Variants in CENPC observed in about 807,000 individuals in gnomAD.
The protein encoded by CENPC is CENP-C 1.
In CENPC, 63 loss-of-function variants were observed where a neutral mutation model predicts 112.1. That is an observed-to-expected ratio of 0.56 (90% CI 0.46 to 0.69). The LOEUF (loss-of-function observed/expected upper bound fraction) is 0.69, where lower values mean the gene tolerates loss of function less well. CENPC is among the 30% of genes least tolerant of loss of function. The pLI, the probability that CENPC is intolerant of heterozygous loss-of-function variation, is 0.00. For synonymous variants in CENPC, 333 were observed against 367.6 expected (o/e 0.91, Z 1.08); for missense variants, 1,000 against 1,103.8 (o/e 0.91, Z 1.33).
rs1478513542 is a variant in CENPC, at chr4:67,514,448, G to A, written c.1070C>T (p.Thr357Ile). 3 of 1,613,446 alleles carry A rather than the reference G, an allele frequency of 1.9e-6. No homozygotes were observed. Among genetic ancestry groups the A allele is most frequent in the Non-Finnish European group, 2.5e-6 (3 of 1,179,864 alleles). The change falls in exon 8 of 19, where the codon ACT becomes ATT. Residue 357 changes from threonine (T) to isoleucine (I), a missense_variant. Thr to Ile is a moderately conservative substitution (Grantham distance 89). Coordinates refer to ENST00000273853, the MANE Select transcript of CENPC (RefSeq NM_001812.4). The part of the protein sequence containing the change: ...REKHHNILPK[T>I]LANDKHSHKP... ...ATGGGAATGTTTGTCATTTGCCAAAGTCTTAGGTAATATATTATGATGCTT... is the reference window on the plus strand; with the variant it reads ...ATGGGAATGTTTGTCATTTGCCAAAATCTTAGGTAATATATTATGATGCTT...
At chr4:67,475,082 C>T (rs1265388228) in intron 17 of CENPC, 104 bp from the exon 18 acceptor site, 1 of 660,274 alleles carries the variant, frequency 1.5e-6, no homozygotes, top group African/African-American at 1.8e-5. Flanking sequence ...CACAAATGTG[C>T]TGGCTTTAAT....
intron 17 of CENPC, among the ~76,000 whole-genome samples, chr4:67,475,730 C>G (rs1724786050): frequency 6.6e-6 from 1 of 152,214 alleles, no homozygotes; most frequent in African/African-American, 2.4e-5. Context: ...TCCTGAGTAG[C>G]TGGGACTACA....
intron 2 of CENPC, among the ~76,000 whole-genome samples, chr4:67,541,549 A>G (rs1726890582): frequency 6.6e-6 from 1 of 152,204 alleles, no homozygotes; most frequent in African/African-American, 2.4e-5. Context: ...ACAACATAAT[A>G]CAGACCCCTT....
At chr4:67,502,212 G>A (rs959629728) in intron 12 of CENPC, among the ~76,000 whole-genome samples, 1 of 152,006 alleles carries the variant, frequency 6.6e-6, no homozygotes, top group African/African-American at 2.4e-5. Flanking sequence ...CTGAGTCCTT[G>A]CTAGAATATG....
chr4:67,533,623 T>C (rs563695109), intron 4 of CENPC, among the ~76,000 whole-genome samples: 71 of 152,164 alleles, frequency 4.7e-4, no homozygotes, highest in Non-Finnish European at 8.7e-4. Context: ...AGCAAACTAC[T>C]GGTAATTCAG....
intron 12 of CENPC, among the ~76,000 whole-genome samples, chr4:67,502,390 T>A (rs929864168): frequency 1.1e-5 from 1 of 91,796 alleles, no homozygotes; most frequent in Admixed American, 1.4e-4. Flanking sequence ...AAAAGTTAAA[T>A]AAAAAGATAA....
chr4:67,512,685 C>G, intron 8 of CENPC, 116 bp from the exon 9 acceptor site: 1 of 648,420 alleles, frequency 1.5e-6, no homozygotes, highest in Admixed American at 3.7e-5. Flanking sequence ...ATCCTGTGGC[C>G]TTTTCATCTC....
intron 5 of CENPC, among the ~76,000 whole-genome samples, chr4:67,526,500 T>G (rs1257088256): frequency 1.3e-5 from 2 of 151,972 alleles, no homozygotes; most frequent in African/African-American, 4.8e-5. Flanking sequence ...CTATAACTAT[T>G]AAAGAATTAA....
At chr4:67,521,204 C>CG (rs1553896390) in intron 5 of CENPC, among the ~76,000 whole-genome samples, 1 of 131,454 alleles carries the variant, frequency 7.6e-6, no homozygotes, top group Non-Finnish European at 1.6e-5. Context: ...CAAAACAAAC[C>CG]AAAAAAAAAA....
At chr4:67,535,755 GA>G (rs1363875278) in intron 4 of CENPC, among the ~76,000 whole-genome samples, 3 of 152,006 alleles carry the variant, frequency 2.0e-5, no homozygotes, top group African/African-American at 7.2e-5. Flanking sequence ...GTTGTGGTCG[GA>G]AGTAGAAACT....
intron 5 of CENPC, among the ~76,000 whole-genome samples, chr4:67,523,828 G>A (rs1726297446): frequency 6.6e-6 from 1 of 151,986 alleles, no homozygotes. Flanking sequence ...TCTGGGATGG[G>A]GCAGGAGAGC....
At chr4:67,540,137 G>C (rs1188622156) in intron 3 of CENPC, among the ~76,000 whole-genome samples, 3 of 152,050 alleles carry the variant, frequency 2.0e-5, no homozygotes, top group Non-Finnish European at 2.9e-5. Context: ...CAAAACACCT[G>C]AAGTATCAAT....
At chr4:67,506,408 G>A (rs1359266536) in intron 11 of CENPC, among the ~76,000 whole-genome samples, 1 of 152,122 alleles carries the variant, frequency 6.6e-6, no homozygotes, top group Non-Finnish European at 1.5e-5. Flanking sequence ...CCTTCTCTTG[G>A]AGCATTTGCT....
intron 17 of CENPC, among the ~76,000 whole-genome samples, chr4:67,479,067 A>G (rs1163284031): frequency 1.3e-5 from 2 of 152,214 alleles, no homozygotes; most frequent in African/African-American, 4.8e-5. Flanking sequence ...TCCCAAATTT[A>G]TAAGACAATT....
chr4:67,539,971 T>C (rs761874320), intron 3 of CENPC, 37 bp from the exon 4 acceptor site: 17 of 1,095,536 alleles, frequency 1.6e-5, no homozygotes, highest in Admixed American at 3.1e-5. Context: ...AAACAAGATA[T>C]AGTGTAATAT....
chr4:67,476,009 G>A (rs960830543), intron 17 of CENPC, among the ~76,000 whole-genome samples: 2 of 152,098 alleles, frequency 1.3e-5, no homozygotes, highest in Admixed American at 6.6e-5. Context: ...TTAAAAAATC[G>A]TATTGCCTAG....
chr4:67,503,585 AAAT>A (rs1446840948), intron 12 of CENPC, among the ~76,000 whole-genome samples: 2 of 152,088 alleles, frequency 1.3e-5, no homozygotes, highest in Non-Finnish European at 2.9e-5. Context: ...CCTACCCTTA[AAAT>A]AATAAGTAAA....
At chr4:67,509,615 T>C (rs1725839593) in intron 9 of CENPC, among the ~76,000 whole-genome samples, 1 of 152,160 alleles carries the variant, frequency 6.6e-6, no homozygotes. Flanking sequence ...ATCAGAAATT[T>C]GAGTCATGCA....
At chr4:67,480,677 G>A (rs1376384747) in intron 17 of CENPC, among the ~76,000 whole-genome samples, 2 of 152,250 alleles carry the variant, frequency 1.3e-5, no homozygotes, top group East Asian at 3.9e-4. Flanking sequence ...CACATAAACA[G>A]AATTAAAACC....
Sources: allele counts gnomAD v4.1 joint callset (sites outside exome capture counted in the v4.1 genomes callset), GRCh38; gene constraint gnomAD v4.1.1; transcripts MANE v1.5; gene names NCBI Gene and HGNC (gene_info 2026-07-23, HGNC 2026-07-21).